Variants in AGBL4 observed in about 807,000 individuals in gnomAD.
The protein encoded by AGBL4 is cytosolic carboxypeptidase 6.
In AGBL4, 58 loss-of-function variants were observed where a neutral mutation model predicts 66.4. That is an observed-to-expected ratio of 0.87 (90% CI 0.71 to 1.09). AGBL4 has a LOEUF of 1.09. Among genes scored for constraint, AGBL4 ranks in the 50% least tolerant of loss-of-function variants. AGBL4 has a pLI of 0.00. For synonymous variants in AGBL4, 234 were observed against 222.9 expected, an observed-to-expected ratio of 1.05 and a Z score of -0.44; for missense variants, 579 against 631.0, an observed-to-expected ratio of 0.92 and a Z score of 0.88.
chr1:49,936,674 GC>G (rs1162812248), intron 1 of AGBL4, among the ~76,000 whole-genome samples: 1 of 152,138 alleles, frequency 6.6e-6, no homozygotes, highest in Non-Finnish European at 1.5e-5. Flanking sequence ...GAGAGTGGGA[GC>G]CAATATTCAA....
chr1:49,224,053 T>A (rs757254553), intron 4 of AGBL4, among the ~76,000 whole-genome samples: 1 of 152,198 alleles, frequency 6.6e-6, no homozygotes, highest in Non-Finnish European at 1.5e-5. Flanking sequence ...ACATCTGCCA[T>A]ACTACTAAAG....
intron 3 of AGBL4, among the ~76,000 whole-genome samples, chr1:49,339,270 A>G (rs1161886887): frequency 1.3e-5 from 2 of 152,212 alleles, no homozygotes; most frequent in African/African-American, 4.8e-5. Context: ...TTAAATTTCT[A>G]TATTAAGTAA....
Position 49,323,513 on chromosome 1 carries a change from T to C in AGBL4, c.283-77649A>G, listed in dbSNP as rs144395514. On this transcript the variant is annotated intron_variant, in intron 3 of 13. Coordinates refer to ENST00000371839, the MANE Select transcript of AGBL4 (RefSeq NM_032785.4). Reference sequence around the variant, plus strand: ...GGTTTCACCATGTTGCCCAGGCTGGTCTCAAACTCCTGGGCTCAGGCAATC... The same window carrying C: ...GGTTTCACCATGTTGCCCAGGCTGGCCTCAAACTCCTGGGCTCAGGCAATC... 3.6e-3 allele frequency among the ~76,000 whole-genome samples: 537 copies of C among 148,848 alleles called. 1 individual carries two copies. Among genetic ancestry groups the C allele is most frequent in the African/African-American group, 0.012 (501 of 40,220 alleles).
intron 1 of AGBL4, among the ~76,000 whole-genome samples, chr1:49,975,973 C>T (rs138359988): frequency 2.2e-4 from 34 of 152,206 alleles, no homozygotes; most frequent in Middle Eastern, 3.4e-3. Context: ...TCCTAATGCG[C>T]GCATTGAAAG....
chr1:49,573,875 C>CT (rs1644383672), intron 3 of AGBL4, among the ~76,000 whole-genome samples: 1 of 152,110 alleles, frequency 6.6e-6, no homozygotes, highest in African/African-American at 2.4e-5. Flanking sequence ...TCTGATGAAT[C>CT]TTTTTTGCCA....
At chr1:48,723,602 G>C (rs1239551394) in intron 6 of AGBL4, among the ~76,000 whole-genome samples, 1 of 152,200 alleles carries the variant, frequency 6.6e-6, no homozygotes, top group Non-Finnish European at 1.5e-5. Context: ...AAATGAAATG[G>C]ATTCTGCTGA....
At chr1:49,295,047 T>A (rs1228223356) in intron 3 of AGBL4, among the ~76,000 whole-genome samples, 1 of 152,218 alleles carries the variant, frequency 6.6e-6, no homozygotes, top group African/African-American at 2.4e-5. Context: ...AATCCATGAA[T>A]AAATAAATTA....
chr1:49,984,768 A>G lies in AGBL4; in HGVS notation c.34+38995T>C, dbSNP rs74361030. 3.2e-3 allele frequency among the ~76,000 whole-genome samples: 491 copies of G among 152,384 alleles called. 29 individuals carry two copies. In the East Asian group the frequency reaches 0.08, roughly 25 times the overall value. On this transcript the variant is annotated intron_variant, in intron 1 of 13. Coordinates refer to ENST00000371839, the MANE Select transcript of AGBL4 (RefSeq NM_032785.4). ...TATAAGATATTACATAATTGAAACA[A>G]AAGCAGCTTATGAAAGGGTATCAAA...
chr1:48,935,503 C>A (rs1476040775), intron 5 of AGBL4, among the ~76,000 whole-genome samples: 2 of 152,058 alleles, frequency 1.3e-5, no homozygotes, highest in Non-Finnish European at 2.9e-5. Context: ...TTGTTGCCAC[C>A]CACTTCAACG....
At chr1:49,479,856 C>G (rs374926225) in intron 3 of AGBL4, among the ~76,000 whole-genome samples, 317 of 151,736 alleles carry the variant, frequency 2.1e-3, no homozygotes, top group African/African-American at 7.2e-3. Context: ...TACAGGCGCC[C>G]GCCACCACGC....
chr1:48,761,386 C>T (rs1326065629), intron 6 of AGBL4: 1 of 1,551,870 alleles, frequency 6.4e-7, no homozygotes, highest in Admixed American at 2.0e-5. Context: ...TTTAACCTCT[C>T]CATCTTCTTC....
intron 5 of AGBL4, among the ~76,000 whole-genome samples, chr1:48,944,300 CTGAGT>C (rs1039512492): frequency 2.1e-4 from 32 of 152,158 alleles, no homozygotes; most frequent in Non-Finnish European, 8.8e-5. Context: ...AGCTTCAAAG[CTGAGT>C]TGAGTTTTCT....
At chr1:49,914,096 C>A (rs1236762152) in intron 1 of AGBL4, among the ~76,000 whole-genome samples, 1 of 152,196 alleles carries the variant, frequency 6.6e-6, no homozygotes, top group African/African-American at 2.4e-5. Context: ...CCTGGCCACA[C>A]CATTGTTTCA....
At chr1:48,878,967 C>A (rs1570905562) in intron 5 of AGBL4, among the ~76,000 whole-genome samples, 1 of 152,106 alleles carries the variant, frequency 6.6e-6, no homozygotes, top group South Asian at 2.1e-4. Context: ...GCTGATTGAC[C>A]AAGACTTTCT....
chr1:49,536,026 AT>A (rs1269277080), intron 3 of AGBL4, among the ~76,000 whole-genome samples: 1 of 152,206 alleles, frequency 6.6e-6, no homozygotes, highest in Non-Finnish European at 1.5e-5. Flanking sequence ...TTTATTGAAC[AT>A]TTTTTGAGTT....
intron 3 of AGBL4, among the ~76,000 whole-genome samples, chr1:49,636,032 TTCTAGGGCTGCAC>T (rs1303849035): frequency 6.6e-6 from 1 of 152,200 alleles, no homozygotes; most frequent in Non-Finnish European, 1.5e-5. Context: ...ATTTGCTGGG[TTCTAGGGCTGCAC>T]TCTAGGGCTG....
chr1:48,849,698 G>T (rs953241710), intron 6 of AGBL4, among the ~76,000 whole-genome samples: 3 of 152,112 alleles, frequency 2.0e-5, no homozygotes, highest in Non-Finnish European at 4.4e-5. Context: ...TGAGACTGGG[G>T]GCGGTGGCTC....
At chr1:48,714,627 A>G (rs1399363943) in intron 6 of AGBL4, among the ~76,000 whole-genome samples, 2 of 152,130 alleles carry the variant, frequency 1.3e-5, no homozygotes, top group African/African-American at 4.8e-5. Flanking sequence ...ATTCCACCAG[A>G]GTGGTCCTTC....
intron 3 of AGBL4, among the ~76,000 whole-genome samples, chr1:49,646,439 AG>A (rs1204195527): frequency 2.6e-5 from 4 of 151,946 alleles, no homozygotes; most frequent in Non-Finnish European, 1.5e-5. Context: ...CTATTACAAT[AG>A]CATTAAAATA....
Sources: gnomAD v4.1 joint callset for allele counts (sites outside exome capture counted in the v4.1 genomes callset) on GRCh38, gnomAD v4.1.1 for gene constraint, MANE v1.5 for transcripts, NCBI Gene and HGNC (gene_info 2026-07-23, HGNC 2026-07-21) for gene names.